Variants in SERGEF observed in about 807,000 individuals in gnomAD.
The protein encoded by SERGEF is secretion regulating guanine nucleotide exchange factor, also known as secretion-regulating guanine nucleotide exchange factor.
Under a neutral mutation model 50.0 loss-of-function variants are expected in SERGEF, and 51 were observed. The ratio of observed to expected loss-of-function variants is 1.02; its 90% CI spans 0.81 to 1.29. SERGEF has a LOEUF of 1.29. Among genes scored for constraint, SERGEF ranks in the 50% most tolerant of loss-of-function variants. The pLI is 0.00. For missense variants in SERGEF, 521 were observed against 557.0 expected, an observed-to-expected ratio of 0.94 and a Z score of 0.65; for synonymous variants, 205 against 212.4, an observed-to-expected ratio of 0.97 and a Z score of 0.30.
chr11:18,005,719 G>A lies in SERGEF; in HGVS notation c.352+872C>T, dbSNP rs556067675. Among the ~76,000 whole-genome samples the A allele has an allele frequency of 2.4e-4, 36 of 152,208 alleles. No homozygotes were observed. The South Asian group carries it at 6.4e-3, about 27-fold the overall frequency. On this transcript the variant is annotated intron_variant, in intron 3 of 10. Coordinates refer to ENST00000265965, the MANE Select transcript of SERGEF (RefSeq NM_012139.4). ...TCAAAACTGCTTCAAGGGAACAGAC[G>A]TCAGCTGACAAGGTAACTACTGCTG...
At chr11:17,908,373 A>G (rs1021137391) in intron 9 of SERGEF, among the ~76,000 whole-genome samples, 4 of 151,876 alleles carry the variant, frequency 2.6e-5, no homozygotes, top group African/African-American at 9.7e-5. Context: ...CCCTCTCCAC[A>G]ACTCCCCCAA....
rs1165038136 is a variant in SERGEF, at chr11:18,001,967, A to T, written c.448-1410T>A. ...ATACCTTTATGCCCAGGGCCTAAGC[A>T]CCAAATCCACAACAAAACACAACAT... On this transcript the variant is annotated intron_variant, in intron 4 of 10. Coordinates refer to ENST00000265965, the MANE Select transcript of SERGEF (RefSeq NM_012139.4). The T allele has an allele frequency of 1.5e-5, 7 of 456,172 alleles. No individual in the cohort carries two copies. The Admixed American group carries it at 1.6e-4, about 11-fold the overall frequency. The allele number at this position is 456,172 out of a possible 1,614,324, so 28.3% of individuals were successfully genotyped here.
chr11:18,004,289 T>C, intron 4 of SERGEF, 152 bp downstream of exon 4: 1 of 542,744 alleles, frequency 1.8e-6, no homozygotes, highest in Non-Finnish European at 3.2e-6. Context: ...CCCAACTTAA[T>C]TTTTCCCAGA....
chr11:17,793,001 A>C (rs985532976), intron 10 of SERGEF, among the ~76,000 whole-genome samples: 8 of 152,188 alleles, frequency 5.3e-5, no homozygotes, highest in African/African-American at 1.7e-4. Flanking sequence ...CATATTATAG[A>C]CTATGGCCTA....
chr11:17,851,248 A>G (rs1188260284), intron 10 of SERGEF, among the ~76,000 whole-genome samples: 1 of 152,192 alleles, frequency 6.6e-6, no homozygotes, highest in Non-Finnish European at 1.5e-5. Flanking sequence ...CTATGCTCAG[A>G]GGAGTTCAAT....
chr11:17,909,106 T>C (rs565172596), intron 9 of SERGEF, among the ~76,000 whole-genome samples: 140 of 152,290 alleles, frequency 9.2e-4, no homozygotes, highest in Non-Finnish European at 1.8e-3. Flanking sequence ...GGAGTTACAA[T>C]GGAAAGAGGA....
chr11:17,833,926 G>A (rs548188257), intron 10 of SERGEF, among the ~76,000 whole-genome samples: 1 of 152,166 alleles, frequency 6.6e-6, no homozygotes, highest in African/African-American at 2.4e-5. Context: ...GGACTTGCCT[G>A]GTCTCGGATG....
At chr11:17,978,139 G>A (rs1306938628) in intron 8 of SERGEF, among the ~76,000 whole-genome samples, 1 of 152,132 alleles carries the variant, frequency 6.6e-6, no homozygotes, top group Non-Finnish European at 1.5e-5. Context: ...CACCTAGAAT[G>A]AAGGGAAATG....
chr11:17,977,489 T>C (rs754565717), intron 8 of SERGEF, among the ~76,000 whole-genome samples: 2 of 152,158 alleles, frequency 1.3e-5, no homozygotes, highest in Non-Finnish European at 2.9e-5. Context: ...AATAAATACC[T>C]GCCCTTTCCT....
intron 10 of SERGEF, among the ~76,000 whole-genome samples, chr11:17,817,943 C>T (rs985949326): frequency 1.9e-4 from 29 of 152,164 alleles, no homozygotes; most frequent in Non-Finnish European, 3.2e-4. Flanking sequence ...GAAATGGATG[C>T]CCTCAGCCAT....
In SERGEF at chr11:17,888,577, C is replaced by T. The variant is rs1851472657; in HGVS notation, c.1012-10333G>A. Among the ~76,000 whole-genome samples the T allele has an allele frequency of 6.6e-6, 1 of 151,370 alleles. No individual in the cohort carries two copies. Among genetic ancestry groups the T allele is most frequent in the Admixed American group, 6.6e-5 (1 of 15,148 alleles). ...TAGAATGAGAGAAGGCAAAGAGAAA[C>T]CCTGTGGATATCAGGTTAGAATTAG... On this transcript the variant is annotated intron_variant, in intron 9 of 10. Coordinates refer to ENST00000265965, the MANE Select transcript of SERGEF (RefSeq NM_012139.4). This position sits in a 1 kb window ranked among gnomAD's most constrained non-coding sequence, Gnocchi z 4.1.
intron 8 of SERGEF, among the ~76,000 whole-genome samples, chr11:17,967,807 T>C (rs1472206184): frequency 1.3e-5 from 2 of 152,226 alleles, no homozygotes; most frequent in African/African-American, 4.8e-5. Context: ...TCCTCCTTCC[T>C]GGGCCTTAGG....
intron 8 of SERGEF, 30 bp downstream of exon 8, chr11:17,988,567 C>G: frequency 6.2e-7 from 1 of 1,609,516 alleles, no homozygotes; most frequent in Non-Finnish European, 8.5e-7. Flanking sequence ...GCTGCTCTTA[C>G]CAACCGTAAG....
intron 10 of SERGEF, among the ~76,000 whole-genome samples, chr11:17,796,334 C>G (rs1203866582): frequency 6.6e-6 from 1 of 152,124 alleles, no homozygotes; most frequent in East Asian, 1.9e-4. Context: ...TTGGGCCCTG[C>G]TATGGTTTGA....
At chr11:17,864,668 G>A (rs1170905709) in intron 10 of SERGEF, among the ~76,000 whole-genome samples, 2 of 152,134 alleles carry the variant, frequency 1.3e-5, no homozygotes, top group South Asian at 2.1e-4. Context: ...GCAAGATCTG[G>A]GACAGAGCAC....
At chr11:17,896,498 GA>G (rs1203366911) in intron 9 of SERGEF, among the ~76,000 whole-genome samples, 9 of 148,040 alleles carry the variant, frequency 6.1e-5, no homozygotes, top group African/African-American at 2.0e-4. Context: ...AAAATAAAGG[GA>G]AAAAAATGAG....
intron 9 of SERGEF, among the ~76,000 whole-genome samples, chr11:17,880,877 C>G (rs994610214): frequency 3.3e-5 from 5 of 152,136 alleles, no homozygotes; most frequent in Admixed American, 3.3e-4. Flanking sequence ...TATTATTTAA[C>G]TGTGGTGGCA....
At chr11:17,941,356 C>T (rs1268970319) in intron 9 of SERGEF, among the ~76,000 whole-genome samples, 5 of 152,220 alleles carry the variant, frequency 3.3e-5, no homozygotes, top group Non-Finnish European at 7.3e-5. Context: ...AAAACTAAAA[C>T]TCTGTACCCA....
At chr11:17,903,711 A>AAGG (rs1851788811) in intron 9 of SERGEF, among the ~76,000 whole-genome samples, 1 of 152,230 alleles carries the variant, frequency 6.6e-6, no homozygotes, top group Non-Finnish European at 1.5e-5. Flanking sequence ...GGGGAGAGAT[A>AAGG]TAAAAGAAAT....
Sources: gnomAD v4.1 joint callset for allele counts (sites outside exome capture counted in the v4.1 genomes callset) on GRCh38, gnomAD v4.1.1 for gene constraint, Gnocchi (gnomAD v3.1) non-coding constraint, MANE v1.5 for transcripts, NCBI Gene and HGNC (gene_info 2026-07-23, HGNC 2026-07-21) for gene names.